The following FHIP2A variants were observed in gnomAD, a reference collection of about 807,000 sequenced individuals.
FHIP2A encodes the protein FHF complex subunit HOOK interacting protein 2A.
A neutral mutation model predicts 93.5 loss-of-function variants in FHIP2A; 46 were observed. The observed-to-expected ratio is 0.49, with a 90% CI of 0.39 to 0.63. FHIP2A has a LOEUF of 0.63. Among genes scored for constraint, FHIP2A ranks in the 20% least tolerant of loss-of-function variants. The pLI, the probability that FHIP2A is intolerant of heterozygous loss-of-function variation, is 0.00. For synonymous variants in FHIP2A, 332 were observed against 326.5 expected (o/e 1.02, Z -0.18); for missense variants, 769 against 909.7 (o/e 0.85, Z 1.99).
At chr10:114,876,087 C>G (rs571465948) in intron 16 of FHIP2A, among the ~76,000 whole-genome samples, 2 of 152,104 alleles carry the variant, frequency 1.3e-5, no homozygotes, top group Non-Finnish European at 1.5e-5. Context: ...AGAAGAGACC[C>G]GGGGCCCCCA....
In FHIP2A at chr10:114,861,535, C is replaced by T. The variant is rs2083799851; in HGVS notation, c.2293C>T (p.Pro765Ser). Residue 765 changes from proline to serine, a missense_variant, in exon 17 of 17, where the codon CCA becomes TCA. Physicochemically the swap from Pro to Ser is moderately conservative, Grantham distance 74. Coordinates refer to ENST00000369248, the MANE Select transcript of FHIP2A (RefSeq NM_020940.4). ...TGTAAAATATCATGCTTCCTCCACA[C>T]CATAAATAACATCTTTCATGTAACT... ...AFVKYHASSTP is the reference protein window; with the variant it reads ...AFVKYHASSTS The T allele has an allele frequency of 6.2e-7, 1 of 1,613,002 alleles. No individual in the cohort carries two copies. Among genetic ancestry groups the T allele is most frequent in the Non-Finnish European group, 8.5e-7 (1 of 1,179,908 alleles).
At chr10:114,861,395 C>A (rs34064819) in intron 16 of FHIP2A, 40 bp from the exon 17 acceptor site, 583,776 of 1,613,184 alleles carry the variant, frequency 0.36, 110,861 homozygotes, top group Non-Finnish European at 0.39. Flanking sequence ...TGATCGGCTG[C>A]TATCTTGAAT....
At chr10:114,846,117 A>G in intron 9 of FHIP2A, 28 bp downstream of exon 9, 1 of 1,613,032 alleles carries the variant, frequency 6.2e-7, no homozygotes, top group Non-Finnish European at 8.5e-7. Flanking sequence ...TTTTGAAAAA[A>G]ACCGCATCAC....
intron 16 of FHIP2A, among the ~76,000 whole-genome samples, chr10:114,894,484 C>G (rs1373694272): frequency 1.3e-5 from 2 of 152,106 alleles, no homozygotes; most frequent in Non-Finnish European, 2.9e-5. Flanking sequence ...GGGAGAATCA[C>G]CTGAGTCCGG....
At chr10:114,887,001 T>C (rs745727459) in intron 16 of FHIP2A, among the ~76,000 whole-genome samples, 2 of 152,152 alleles carry the variant, frequency 1.3e-5, no homozygotes, top group Non-Finnish European at 2.9e-5. Flanking sequence ...CACCTAGTAA[T>C]GGGGAAAGGT....
chr10:114,844,951 ATT>A (rs5788084), intron 7 of FHIP2A, among the ~76,000 whole-genome samples: 10,619 of 140,984 alleles, frequency 0.075, 709 homozygotes, highest in African/African-American at 0.17. Context: ...TGCCCAGCTA[ATT>A]TTTTTTTTTT....
At chr10:114,893,670 G>A (rs1478031463) in intron 16 of FHIP2A, among the ~76,000 whole-genome samples, 1 of 152,012 alleles carries the variant, frequency 6.6e-6, no homozygotes, top group African/African-American at 2.4e-5. Flanking sequence ...ATTCAGCTTT[G>A]TGTTATGTGG....
chr10:114,836,355 C>G, intron 5 of FHIP2A, 109 bp downstream of exon 5: 1 of 818,628 alleles, frequency 1.2e-6, no homozygotes. Flanking sequence ...AGGTTATTAG[C>G]TTGTTTTACT....
chr10:114,881,976 G>A (rs2083919462), intron 16 of FHIP2A, among the ~76,000 whole-genome samples: 1 of 152,238 alleles, frequency 6.6e-6, no homozygotes, highest in Non-Finnish European at 1.5e-5. Context: ...GTCTGTATGT[G>A]TATGTGGGCT....
intron 16 of FHIP2A, among the ~76,000 whole-genome samples, chr10:114,889,344 C>G (rs752714163): frequency 1.1e-4 from 16 of 152,176 alleles, no homozygotes; most frequent in Non-Finnish European, 1.9e-4. Context: ...TGGGTTACAG[C>G]AAATGCTATT....
chr10:114,835,427 A>C (rs956022875), intron 3 of FHIP2A, 110 bp from the exon 4 acceptor site: 5 of 593,236 alleles, frequency 8.4e-6, no homozygotes, highest in African/African-American at 1.8e-5. Context: ...TTGTCTTTTC[A>C]AGGTGGAATA....
chr10:114,835,178 G>A (rs1030944731), intron 3 of FHIP2A, among the ~76,000 whole-genome samples: 2 of 152,082 alleles, frequency 1.3e-5, no homozygotes, highest in Non-Finnish European at 2.9e-5. Context: ...TTGTTCCAGC[G>A]GGGTGTTAAC....
chr10:114,895,533 T>G (rs1383387188), intron 16 of FHIP2A, among the ~76,000 whole-genome samples: 2 of 152,222 alleles, frequency 1.3e-5, no homozygotes, highest in Non-Finnish European at 2.9e-5. Flanking sequence ...TAACGATACC[T>G]TAGCTTTGTA....
chr10:114,870,313 C>T (rs10885621), intron 16 of FHIP2A, among the ~76,000 whole-genome samples: 13,739 of 152,156 alleles, frequency 0.09, 815 homozygotes, highest in East Asian at 0.21. Flanking sequence ...CTTTTATCTA[C>T]AAACTCTTCA....
At chr10:114,839,114 C>T (rs76031732) in intron 5 of FHIP2A, among the ~76,000 whole-genome samples, 5,899 of 151,984 alleles carry the variant, frequency 0.039, 332 homozygotes, top group African/African-American at 0.12. Context: ...TTTAGGGAGA[C>T]GCAGCGTTTT....
At chr10:114,842,780 A>C (rs116170436) in intron 5 of FHIP2A, among the ~76,000 whole-genome samples, 153 bp from the exon 6 acceptor site, 216 of 152,334 alleles carry the variant, frequency 1.4e-3, no homozygotes, top group African/African-American at 4.9e-3. Flanking sequence ...TCTAAAACAC[A>C]GTTTGTTAAA....
intron 16 of FHIP2A, among the ~76,000 whole-genome samples, chr10:114,875,494 AG>A (rs1433201228): frequency 6.6e-6 from 1 of 152,120 alleles, no homozygotes; most frequent in Non-Finnish European, 1.5e-5. Context: ...CAGGAGTTCA[AG>A]ATCAGCCTAG....
rs2083816991 is a variant in FHIP2A, at chr10:114,864,214, ATTAC to A, written c.*2677_*2680del. The A allele has an allele frequency of 2.0e-6, 2 of 984,310 alleles. No individual in the cohort carries two copies. The highest frequency in any genetic ancestry group is 1.7e-5 in the African/African-American group (1 of 57,226). The allele number at this position is 984,310 out of a possible 1,614,324, so 61.0% of individuals were successfully genotyped here. A position where few individuals can be genotyped will look rare whatever the true frequency, so the allele number is the denominator to read the frequency against. On this transcript the variant is annotated 3_prime_UTR_variant, in exon 17 of 17. Transcript: ENST00000369248. ...AATTTTACAGGGCACAAATTATGGAATTACTTCATAAATTCATGGTAATGTTTTC... is the reference window on the plus strand; with the variant it reads ...AATTTTACAGGGCACAAATTATGGAATTCATAAATTCATGGTAATGTTTTC...
At chr10:114,849,596 A>G (rs1014316370) in intron 13 of FHIP2A, among the ~76,000 whole-genome samples, 1 of 152,254 alleles carries the variant, frequency 6.6e-6, no homozygotes, top group East Asian at 1.9e-4. Context: ...TCCTCCTGCA[A>G]AGAAAACTTG....
Sources: gnomAD v4.1 joint callset for allele counts (sites outside exome capture counted in the v4.1 genomes callset) on GRCh38, gnomAD v4.1.1 for gene constraint, MANE v1.5 for transcripts, NCBI Gene and HGNC (gene_info 2026-07-23, HGNC 2026-07-21) for gene names.